The following PLXNA1 variants were observed in gnomAD, a reference collection of about 807,000 sequenced individuals.
The protein encoded by PLXNA1 is plexin-A1.
PLXNA1 carries 77 observed loss-of-function variants against 191.7 expected under a neutral mutation model. The observed-to-expected ratio is 0.40, with a 90% CI of 0.33 to 0.49. The LOEUF (loss-of-function observed/expected upper bound fraction) is 0.49, where lower values mean the gene tolerates loss of function less well. Ranked by LOEUF, PLXNA1 falls within the 20% of genes least tolerant of loss-of-function variation. PLXNA1 has a pLI of 0.63. For synonymous variants in PLXNA1, 1,137 were observed against 1,156.4 expected (o/e 0.98, Z 0.34); for missense variants, 2,110 against 2,660.2 (o/e 0.79, Z 4.55).
chr3:127,027,809 C>T lies in PLXNA1; in HGVS notation c.4363-131C>T, dbSNP rs182129550. ...TTTGGGACTAAGGCTGTACTTGCCT[C>T]CCAAAGAGTTGGGAAGTGCTGCTCA... On this transcript the variant is annotated intron_variant, in intron 23 of 31. Transcript: ENST00000393409. The T allele has an allele frequency of 1.5e-4, 196 of 1,271,308 alleles. 4 individuals carry two copies. The South Asian group carries it at 2.0e-3, about 13-fold the overall frequency. 78.8% of individuals were successfully genotyped at this position (1,271,308 alleles called of 1,614,324 possible). A position where few individuals can be genotyped will look rare whatever the true frequency, so the allele number is the denominator to read the frequency against.
chr3:127,027,846 C>A (rs575651284), intron 23 of PLXNA1, 94 bp from the exon 24 acceptor site: 44 of 1,545,134 alleles, frequency 2.8e-5, no homozygotes, highest in Non-Finnish European at 3.8e-5. Flanking sequence ...TTCTCCTTGC[C>A]AGGAACACCA....
At chr3:127,004,813 GCCCAGGTCCCGCCTGGCAGGCGGGC>G in intron 5 of PLXNA1, 47 bp from the exon 6 acceptor site, 3 of 1,581,458 alleles carry the variant, frequency 1.9e-6, no homozygotes, top group Non-Finnish European at 2.6e-6. Context: ...CGAGTTCTCT[GCCCAGGTCCCGCCTGGCAGGCGGGC>G]CCCGTAGGTC....
intron 3 of PLXNA1, among the ~76,000 whole-genome samples, chr3:127,002,051 C>G (rs72959009): frequency 6.9e-4 from 105 of 152,364 alleles, no homozygotes; most frequent in African/African-American, 2.5e-3. Context: ...CACGGGTGCA[C>G]TTGGTGCGGG....
At position 127,030,266 on chromosome 3, in the gene PLXNA1, C is replaced by T. The variant is rs775027299; in HGVS notation, c.5085C>T (p.Asp1695=). 5.9e-5 allele frequency: 96 copies of T among 1,613,620 alleles called. No homozygotes were observed. The highest frequency in any genetic ancestry group is 2.3e-4 in the South Asian group (21 of 91,082). ...AGGGCACACTGCAGAAGTTTGTGGA[C>T]GACCTGTTTGAGACCATCTTCAGCA... ...ATKGTLQKFV[D]DLFETIFSTA... is the part of the protein sequence containing the mutation. The change falls in exon 29 of 32, where the codon GAC becomes GAT. Residue 1695 remains aspartate (D), a synonymous_variant. Transcript: ENST00000393409.
At chr3:127,007,486 G>A (rs1351282852) in intron 8 of PLXNA1, among the ~76,000 whole-genome samples, 1 of 152,204 alleles carries the variant, frequency 6.6e-6, no homozygotes, top group African/African-American at 2.4e-5. Flanking sequence ...CCCATGCCTG[G>A]CTGGCAGTCA....
intron 21 of PLXNA1, among the ~76,000 whole-genome samples, chr3:127,020,929 C>A (rs771836672): frequency 6.6e-6 from 1 of 152,170 alleles, no homozygotes; most frequent in African/African-American, 2.4e-5. Flanking sequence ...ACCTTGGCAG[C>A]GAGCCTGGCG....
At chr3:126,996,596 G>A (rs1052896528) in intron 3 of PLXNA1, among the ~76,000 whole-genome samples, 3 of 152,180 alleles carry the variant, frequency 2.0e-5, no homozygotes, top group African/African-American at 7.2e-5. Flanking sequence ...AGCTGGGGGG[G>A]CAAGAAGTGT....
chr3:126,996,320 C>T (rs530132536), intron 3 of PLXNA1, among the ~76,000 whole-genome samples: 229 of 152,262 alleles, frequency 1.5e-3, no homozygotes, highest in Non-Finnish European at 2.8e-3. Context: ...ACACCTGCCC[C>T]CTAGAGGCCC....
At chr3:126,984,948 G>A (rs1260565382) in intron 1 of PLXNA1, among the ~76,000 whole-genome samples, 3 of 152,168 alleles carry the variant, frequency 2.0e-5, no homozygotes, top group Non-Finnish European at 4.4e-5. Flanking sequence ...AGGACTGGTC[G>A]GGAGCAGAAC....
chr3:126,985,243 G>A (rs1325211013), intron 1 of PLXNA1, among the ~76,000 whole-genome samples: 6 of 152,084 alleles, frequency 3.9e-5, no homozygotes, highest in Non-Finnish European at 5.9e-5. Context: ...TCCACCAGGC[G>A]GCGATCCCCT....
At chr3:127,003,510 G>A (rs1465325659) in intron 4 of PLXNA1, 40 bp downstream of exon 4, 17 of 1,551,814 alleles carry the variant, frequency 1.1e-5, no homozygotes, top group Non-Finnish European at 1.5e-5. Flanking sequence ...CTGAAGGTGG[G>A]GGCCCTCCTA....
chr3:127,017,132 C>T, intron 17 of PLXNA1, 95 bp downstream of exon 17: 3 of 1,183,166 alleles, frequency 2.5e-6, no homozygotes, highest in Non-Finnish European at 3.6e-6. Flanking sequence ...CCTGCCCCTA[C>T]CCCTGCCCCT....
chr3:126,991,283 C>G, intron 2 of PLXNA1, 101 bp from the exon 3 acceptor site: 1 of 1,349,328 alleles, frequency 7.4e-7, no homozygotes. Context: ...TACCCCCAAC[C>G]TCTCTAGAAA....
Position 127,030,347 on chromosome 3 carries a change from G to A in PLXNA1, c.5166G>A (p.Leu1722=). 1 of 1,614,052 alleles carries A rather than the reference G, an allele frequency of 6.2e-7. No individual in the cohort carries two copies. Among genetic ancestry groups the A allele is most frequent in the South Asian group, 1.1e-5 (1 of 91,088 alleles). ...CCATCAAGTACATGTTCGACTTCCT[G>A]GATGAGCAGGCCGACAAGCACCAGA... ...PLAIKYMFDF[L]DEQADKHQIH... The change falls in exon 29 of 32, where the codon CTG becomes CTA. Residue 1722 remains leucine (L), a synonymous_variant. Coordinates refer to ENST00000393409, the MANE Select transcript of PLXNA1 (RefSeq NM_032242.4).
At chr3:126,987,014 C>G (rs1230885906) in intron 1 of PLXNA1, among the ~76,000 whole-genome samples, 2 of 152,216 alleles carry the variant, frequency 1.3e-5, no homozygotes, top group East Asian at 1.9e-4. Context: ...GTAGCCGGCT[C>G]CAGCCAGGAG....
chr3:127,009,560 AC>A (rs1290601446), intron 9 of PLXNA1, among the ~76,000 whole-genome samples: 2 of 122,050 alleles, frequency 1.6e-5, no homozygotes, highest in South Asian at 2.9e-4. Context: ...TCCCCCCCCA[AC>A]CCCCCCACAA....
chr3:127,014,350 G>A lies in PLXNA1; in HGVS notation c.2579G>A (p.Arg860His), dbSNP rs745320320. 73 of 1,593,946 alleles carry A rather than the reference G, an allele frequency of 4.6e-5. No individual in the cohort carries two copies. Among genetic ancestry groups the A allele is most frequent in the Non-Finnish European group, 5.6e-5 (66 of 1,176,514 alleles). Residue 860 changes from arginine to histidine, a missense_variant, in exon 12 of 32, where the codon CGC (arginine) becomes CAC (histidine). Physicochemically the swap from Arg to His is conservative, Grantham distance 29. Around this residue, in one of 4 missense-constraint regions of PLXNA1, gnomAD observed 644 missense variants for 714.3 expected, o/e 0.90. Coordinates refer to ENST00000393409, the MANE Select transcript of PLXNA1 (RefSeq NM_032242.4). ...SWMHARHGSS[R>H]CTDPKILKLS... ...ATGCACGCGCGTCACGGCAGCAGTCGCTGCACCGACCCCAAGATCCTCAAG... is the reference window on the plus strand; with the variant it reads ...ATGCACGCGCGTCACGGCAGCAGTCACTGCACCGACCCCAAGATCCTCAAG...
intron 9 of PLXNA1, 27 bp from the exon 10 acceptor site, chr3:127,011,931 G>GA (rs768917006): frequency 2.0e-5 from 32 of 1,602,628 alleles, no homozygotes; most frequent in Non-Finnish European, 2.5e-5. Flanking sequence ...CCGCCCCCGG[G>GA]CTCAGCCAAA....
At chr3:127,028,638 G>C (rs1332244888) in intron 25 of PLXNA1, 2 of 526,276 alleles carry the variant, frequency 3.8e-6, no homozygotes, top group Non-Finnish European at 6.8e-6. Flanking sequence ...GAGCCATTGA[G>C]GGCCAGAGGG....
Sources: allele counts gnomAD v4.1 joint callset (sites outside exome capture counted in the v4.1 genomes callset), GRCh38; gene constraint gnomAD v4.1.1; regional missense constraint gnomAD v4.1.1; transcripts MANE v1.5; gene names NCBI Gene and HGNC (gene_info 2026-07-23, HGNC 2026-07-21).